FMNL3: variants seen among roughly 807,000 people sequenced by gnomAD.
The protein encoded by FMNL3 is formin-like protein 3.
In FMNL3, 57 loss-of-function variants were observed where a neutral mutation model predicts 119.6. The ratio of observed to expected loss-of-function variants is 0.48; its 90% CI spans 0.39 to 0.59. The LOEUF (loss-of-function observed/expected upper bound fraction) is 0.59, where lower values mean the gene tolerates loss of function less well. Ranked by LOEUF, FMNL3 falls within the 20% of genes least tolerant of loss-of-function variation. The pLI is 0.00. For synonymous variants in FMNL3, 491 were observed against 507.3 expected (o/e 0.97, Z 0.43); for missense variants, 1,053 against 1,323.5 (o/e 0.80, Z 3.17).
At chr12:49,662,690 A>G (rs565706522) in intron 4 of FMNL3, among the ~76,000 whole-genome samples, 15 of 152,350 alleles carry the variant, frequency 9.8e-5, no homozygotes, top group African/African-American at 3.6e-4. Flanking sequence ...CAGGATGTCT[A>G]TGACCACTCA....
chr12:49,636,719 T>C lies in FMNL3; in HGVS notation c.*9096A>G, dbSNP rs754436465. ...GGAACCTCCTGCCTGTCTTTAGACA[T>C]GGACAAGGAAGATGCACTGATCTGT... On this transcript the variant is annotated 3_prime_UTR_variant, in exon 26 of 26. Coordinates refer to ENST00000335154, the MANE Select transcript of FMNL3 (RefSeq NM_175736.5). 5 of 1,613,918 alleles carry C rather than the reference T, an allele frequency of 3.1e-6. No homozygotes were observed. Among genetic ancestry groups the C allele is most frequent in the Middle Eastern group, 1.6e-4 (1 of 6,084 alleles).
chr12:49,688,366 C>T, intron 1 of FMNL3: 2 of 455,820 alleles, frequency 4.4e-6, no homozygotes, highest in South Asian at 1.5e-5. Context: ...ATAAAGCATA[C>T]CTAGAAGTTT....
At chr12:49,670,791 A>G (rs1028065923) in intron 1 of FMNL3, among the ~76,000 whole-genome samples, 2 of 152,204 alleles carry the variant, frequency 1.3e-5, no homozygotes, top group African/African-American at 2.4e-5. Context: ...GGCCAATCTC[A>G]GCATACCCGT....
intron 1 of FMNL3, among the ~76,000 whole-genome samples, chr12:49,696,021 G>C (rs1162366459): frequency 6.6e-6 from 1 of 152,166 alleles, no homozygotes; most frequent in African/African-American, 2.4e-5. Context: ...GGCCGTCACT[G>C]CAAGAGGCCA....
chr12:49,657,996 A>G (rs1943622130), intron 6 of FMNL3, among the ~76,000 whole-genome samples: 1 of 152,156 alleles, frequency 6.6e-6, no homozygotes, highest in Admixed American at 6.5e-5. Flanking sequence ...AGGGAATGCA[A>G]GGGGCAGCCA....
chr12:49,646,644 G>A (rs962149724), intron 25 of FMNL3: 18 of 1,526,160 alleles, frequency 1.2e-5, no homozygotes, highest in Non-Finnish European at 1.6e-5. Flanking sequence ...AGTACCTGTC[G>A]GGCCCCAACC....
intron 1 of FMNL3, among the ~76,000 whole-genome samples, chr12:49,706,558 C>A (rs1945053451): frequency 6.6e-6 from 1 of 152,234 alleles, no homozygotes; most frequent in African/African-American, 2.4e-5. Context: ...CCCCCTCTCC[C>A]CCCAAACATC....
At chr12:49,706,011 C>T (rs1335055403) in intron 1 of FMNL3, among the ~76,000 whole-genome samples, 1 of 152,208 alleles carries the variant, frequency 6.6e-6, no homozygotes, top group East Asian at 1.9e-4. Context: ...GTCGGCCATA[C>T]CAACAATAAC....
At chr12:49,704,470 G>A (rs1245723984) in intron 1 of FMNL3, among the ~76,000 whole-genome samples, 1 of 152,128 alleles carries the variant, frequency 6.6e-6, no homozygotes, top group African/African-American at 2.4e-5. Context: ...CAGCACTTTG[G>A]GAGGCCAAGG....
intron 1 of FMNL3, among the ~76,000 whole-genome samples, chr12:49,693,833 A>C (rs1461288364): frequency 6.6e-6 from 1 of 151,078 alleles, no homozygotes; most frequent in Middle Eastern, 3.2e-3. Context: ...TTTTTAGTAG[A>C]GGCGGGGTTT....
rs1394726719 is a variant in FMNL3, at chr12:49,642,781, C to T, written c.*3034G>A. ...CTCTTACCCTTAGGGCACTCCTGGCCAGCTAAGGAAGGGGAGGCCTGAGGA... is the reference window on the plus strand; with the variant it reads ...CTCTTACCCTTAGGGCACTCCTGGCTAGCTAAGGAAGGGGAGGCCTGAGGA... On this transcript the variant is annotated 3_prime_UTR_variant, in exon 26 of 26. Transcript: ENST00000335154. This position sits in a 1 kb window ranked among gnomAD's most constrained non-coding sequence, Gnocchi z 5.8. 2.8e-6 allele frequency: 4 copies of T among 1,443,136 alleles called. No homozygotes were observed. The highest frequency in any genetic ancestry group is 1.4e-5 in the African/African-American group (1 of 70,636). The allele number at this position is 1,443,136 out of a possible 1,614,324, so 89.4% of individuals were successfully genotyped here. A position where few individuals can be genotyped will look rare whatever the true frequency, so the allele number is the denominator to read the frequency against.
intron 1 of FMNL3, among the ~76,000 whole-genome samples, chr12:49,686,380 T>C (rs900959907): frequency 2.0e-5 from 3 of 151,642 alleles, no homozygotes; most frequent in African/African-American, 7.2e-5. Flanking sequence ...AGGAGACCAA[T>C]ACCATCCTAG....
chr12:49,703,341 A>C (rs1944960342), intron 1 of FMNL3, among the ~76,000 whole-genome samples: 1 of 152,148 alleles, frequency 6.6e-6, no homozygotes, highest in Non-Finnish European at 1.5e-5. Flanking sequence ...ACACACTGGG[A>C]CTGTATCAGA....
In FMNL3 at chr12:49,642,222, C is replaced by G. The variant is rs889632730; in HGVS notation, c.*3593G>C. 1.2e-6 allele frequency: 2 copies of G among 1,614,114 alleles called. No homozygotes were observed. Among genetic ancestry groups the G allele is most frequent in the Non-Finnish European group, 1.7e-6 (2 of 1,179,994 alleles). ...TCCTGGGTGACCCTGTTCCGTGTCC[C>G]TTCTTTCCTCAGCTGCTGGAGAAAG... On this transcript the variant is annotated 3_prime_UTR_variant, in exon 26 of 26. Transcript: ENST00000335154. This position sits in a 1 kb window ranked among gnomAD's most constrained non-coding sequence, Gnocchi z 5.8.
intron 1 of FMNL3, among the ~76,000 whole-genome samples, chr12:49,677,028 A>G (rs1045008275): frequency 2.6e-5 from 4 of 152,110 alleles, no homozygotes; most frequent in African/African-American, 9.7e-5. Flanking sequence ...CTCCATTCGT[A>G]TATTCCTTCT....
chr12:49,658,361 C>T, intron 6 of FMNL3, 81 bp downstream of exon 6: 1 of 1,490,492 alleles, frequency 6.7e-7, no homozygotes, highest in Non-Finnish European at 8.9e-7. Context: ...GAGGGAGGAG[C>T]ATGAGCACTC....
At chr12:49,663,494 T>G (rs1403755311) in intron 4 of FMNL3, among the ~76,000 whole-genome samples, 1 of 152,216 alleles carries the variant, frequency 6.6e-6, no homozygotes, top group African/African-American at 2.4e-5. Flanking sequence ...GCACCCACAA[T>G]CTGACAAACT....
In FMNL3 at chr12:49,637,087, A is replaced by AC; in HGVS notation, c.*8727dup. The stretch of plus-strand genomic sequence containing the variant: ...CACCCAGAAACTGCCAGTAGAGAGC[A>AC]CCCTACAGGCATGACTTGGCAGCTA... On this transcript the variant is annotated 3_prime_UTR_variant, in exon 26 of 26. Transcript: ENST00000335154. 3.2e-6 allele frequency: 2 copies of AC among 628,864 alleles called. No individual in the cohort carries two copies. The highest frequency in any genetic ancestry group is 5.4e-6 in the Non-Finnish European group (2 of 368,254). The allele number at this position is 628,864 out of a possible 1,614,324, so 39.0% of individuals were successfully genotyped here.
rs777794084 is a variant in FMNL3, at chr12:49,651,141, A to T, written c.1797+27T>A. On this transcript the variant is annotated intron_variant, in intron 16 of 25. Transcript: ENST00000335154. ...AACCAGGTCCCTAGCCCTCAACCTT[A>T]GCCCTCTGGACCCCAGGCCCTGTTA... The T allele has an allele frequency of 1.9e-6, 3 of 1,608,330 alleles. No homozygotes were observed. The South Asian group carries it at 3.3e-5, about 18-fold the overall frequency.
Sources: allele counts gnomAD v4.1 joint callset (sites outside exome capture counted in the v4.1 genomes callset), GRCh38; gene constraint gnomAD v4.1.1; non-coding constraint Gnocchi (gnomAD v3.1); transcripts MANE v1.5; gene names NCBI Gene and HGNC (gene_info 2026-07-23, HGNC 2026-07-21).